SAMD3: variants seen among roughly 807,000 people sequenced by gnomAD.
SAMD3 encodes sterile alpha motif domain containing 3.
A neutral mutation model predicts 58.5 loss-of-function variants in SAMD3; 63 were observed. The observed-to-expected ratio is 1.08, with a 90% CI of 0.88 to 1.33. SAMD3 has a LOEUF of 1.33. SAMD3 is among the 40% of genes most tolerant of loss of function. The probability of loss-of-function intolerance (pLI) is 0.00; values close to 1 mark genes in which losing one functional copy is unlikely to be tolerated. For synonymous variants in SAMD3, 220 were observed against 210.3 expected (o/e 1.05, Z -0.40); for missense variants, 604 against 608.4 (o/e 0.99, Z 0.08).
At chr6:130,332,718 A>G (rs536349333) in intron 1 of SAMD3, among the ~76,000 whole-genome samples, 101 of 152,262 alleles carry the variant, frequency 6.6e-4, no homozygotes, top group African/African-American at 2.3e-3. Context: ...AGGCCATTAG[A>G]ATGTTCAGAT....
chr6:130,277,065 A>G (rs1204029417), intron 2 of SAMD3, among the ~76,000 whole-genome samples: 2 of 152,200 alleles, frequency 1.3e-5, no homozygotes, highest in African/African-American at 4.8e-5. Flanking sequence ...CAATTGAGAA[A>G]GACAAAAATC....
At chr6:130,266,149 G>A (rs907153248) in intron 2 of SAMD3, among the ~76,000 whole-genome samples, 8 of 152,114 alleles carry the variant, frequency 5.3e-5, no homozygotes, top group Non-Finnish European at 8.8e-5. Flanking sequence ...AGTAAATATC[G>A]TGGTTTGAGG....
upstream of SAMD3, among the ~76,000 whole-genome samples, chr6:130,223,557 C>T (rs1232038411): frequency 1.3e-5 from 2 of 152,186 alleles, no homozygotes; most frequent in Non-Finnish European, 2.9e-5. Flanking sequence ...GCTGGGCTCT[C>T]TTGATCTGTT....
chr6:130,295,657 T>A (rs1260328477), intron 2 of SAMD3, among the ~76,000 whole-genome samples: 1 of 152,154 alleles, frequency 6.6e-6, no homozygotes, highest in African/African-American at 2.4e-5. Context: ...AATGGGATTA[T>A]CATAATTGGC....
intron 7 of SAMD3, among the ~76,000 whole-genome samples, chr6:130,181,407 C>T (rs1582820750): frequency 6.6e-6 from 1 of 152,144 alleles, no homozygotes; most frequent in African/African-American, 2.4e-5. Flanking sequence ...CACACACTCG[C>T]AGGGAGAATT....
intron 2 of SAMD3, among the ~76,000 whole-genome samples, chr6:130,253,664 T>C (rs1384855485): frequency 1.3e-5 from 2 of 152,124 alleles, no homozygotes; most frequent in East Asian, 3.8e-4. Context: ...CCTTTTAAAG[T>C]AAATATCAAT....
At chr6:130,221,250 A>AT (rs1423168473) in intron 1 of SAMD3, among the ~76,000 whole-genome samples, 3 of 152,230 alleles carry the variant, frequency 2.0e-5, no homozygotes, top group Non-Finnish European at 4.4e-5. Context: ...AATTCCTCAG[A>AT]TAAGTTAAAT....
At chr6:130,194,115 G>C (rs912198542) in intron 5 of SAMD3, among the ~76,000 whole-genome samples, 3 of 152,100 alleles carry the variant, frequency 2.0e-5, no homozygotes, top group Non-Finnish European at 4.4e-5. Context: ...CTGGCTTACA[G>C]TTTCATTCTG....
chr6:130,361,492 A>T (rs1258910328), intron 1 of SAMD3, among the ~76,000 whole-genome samples: 2 of 152,220 alleles, frequency 1.3e-5, no homozygotes, highest in African/African-American at 4.8e-5. Context: ...ATGTGTGTAC[A>T]GTCTGTTGGC....
In SAMD3 at chr6:130,194,086, A is replaced by T. The variant is rs138099536; in HGVS notation, c.384-9463T>A. Among the ~76,000 whole-genome samples the T allele has an allele frequency of 2.7e-3, 400 of 150,820 alleles. 1 individual carries two copies. The highest frequency in any genetic ancestry group is 8.4e-3 in the African/African-American group (342 of 40,956). On this transcript the variant is annotated intron_variant, in intron 5 of 11. Coordinates refer to ENST00000439090, the MANE Select transcript of SAMD3 (RefSeq NM_001017373.4). ...TCCACTCTATAATCTTTTTATCACC[A>T]CCCCTCCTCACACCCAGTCTGGCTT...
At chr6:130,165,608 T>C (rs780435625) in intron 8 of SAMD3, among the ~76,000 whole-genome samples, 8 of 152,132 alleles carry the variant, frequency 5.3e-5, no homozygotes, top group Admixed American at 1.3e-4. Flanking sequence ...TAGACACCTA[T>C]ACAGTACACA....
At chr6:130,231,121 G>T (rs12192791) in intron 2 of SAMD3, among the ~76,000 whole-genome samples, 10 of 151,906 alleles carry the variant, frequency 6.6e-5, no homozygotes, top group Non-Finnish European at 1.2e-4. Context: ...AAAATGTGGA[G>T]AATATACAAG....
chr6:130,248,182 G>A lies in SAMD3; in HGVS notation c.-187-25369C>T, dbSNP rs1297432659. 2.4e-3 allele frequency among the ~76,000 whole-genome samples: 98 copies of A among 40,956 alleles called. No individual in the cohort carries two copies. The African/African-American group carries it at 0.05, about 21-fold the overall frequency. 26.9% of individuals were successfully genotyped at this position (40,956 alleles called of 152,430 possible). A position where few individuals can be genotyped will look rare whatever the true frequency, so the allele number is the denominator to read the frequency against. ...CATTTCATTTTTAAGTGTTTTGCGT[G>A]TGTGTGTGTGTGTGTGTGTGTGTGT... On this transcript the variant is annotated intron_variant, in intron 2 of 13. Coordinates refer to the SAMD3 transcript ENST00000368134.
At chr6:130,171,957 A>G (rs969153388) in intron 8 of SAMD3, among the ~76,000 whole-genome samples, 1 of 152,198 alleles carries the variant, frequency 6.6e-6, no homozygotes, top group Non-Finnish European at 1.5e-5. Context: ...CTTTACCATT[A>G]TGTAATGCCT....
intron 2 of SAMD3, among the ~76,000 whole-genome samples, chr6:130,267,551 A>G (rs1774404951): frequency 6.6e-6 from 1 of 152,138 alleles, no homozygotes; most frequent in Non-Finnish European, 1.5e-5. Flanking sequence ...ATTGTTTTAT[A>G]CTCAGAAAAG....
rs142512107 is a variant in SAMD3, at chr6:130,323,338, T to C, written c.-303-10245A>G. 7.1e-3 allele frequency among the ~76,000 whole-genome samples: 1,077 copies of C among 152,284 alleles called. 4 individuals are homozygous for C. Among genetic ancestry groups the C allele is most frequent in the Middle Eastern group, 0.02 (6 of 294 alleles). ...CCTGTGAGATGCTCTTGGCAGCAAA[T>C]CCCTGACAAGTCACATCATTCAAGT... On this transcript the variant is annotated intron_variant, in intron 1 of 13. Coordinates refer to the SAMD3 transcript ENST00000368134.
chr6:130,219,749 T>C (rs1796141174), intron 1 of SAMD3, among the ~76,000 whole-genome samples: 1 of 152,220 alleles, frequency 6.6e-6, no homozygotes, highest in African/African-American at 2.4e-5. Context: ...GGTTTGGGGT[T>C]GGTTCCACAT....
Position 130,149,227 on chromosome 6 carries a change from T to C in SAMD3, c.1024-3046A>G, listed in dbSNP as rs530134013. ...ACATCTGTGTAGCCAAGCTCCCAGCTGTGAATGGTCAGCCACAGGAAAGCC... is the reference window on the plus strand; with the variant it reads ...ACATCTGTGTAGCCAAGCTCCCAGCCGTGAATGGTCAGCCACAGGAAAGCC... On this transcript the variant is annotated intron_variant, in intron 9 of 11. Coordinates refer to ENST00000439090, the MANE Select transcript of SAMD3 (RefSeq NM_001017373.4). Among the ~76,000 whole-genome samples, 5 of 152,322 alleles carry C rather than the reference T, an allele frequency of 3.3e-5. No homozygotes were observed. In the South Asian group the frequency reaches 1.0e-3, roughly 32 times the overall value.
At chr6:130,303,884 A>G (rs1005164338) in intron 2 of SAMD3, among the ~76,000 whole-genome samples, 1 of 152,304 alleles carries the variant, frequency 6.6e-6, no homozygotes, top group Non-Finnish European at 1.5e-5. Flanking sequence ...TTGCAAGTCT[A>G]TCTTCCAGTT....
Sources: gnomAD v4.1 joint callset for allele counts (sites outside exome capture counted in the v4.1 genomes callset) on GRCh38, gnomAD v4.1.1 for gene constraint, MANE v1.5 for transcripts, NCBI Gene and HGNC (gene_info 2026-07-23, HGNC 2026-07-21) for gene names.